The following NVL variants were observed in gnomAD, a reference collection of about 807,000 sequenced individuals.
The protein encoded by NVL is nuclear VCP like, also known as nuclear valosin-containing protein-like.
Under a neutral mutation model 110.2 loss-of-function variants are expected in NVL, and 84 were observed. That is an observed-to-expected ratio of 0.76 (90% CI 0.64 to 0.91). The LOEUF is 0.91. Ranked by LOEUF, NVL falls within the 40% of genes least tolerant of loss-of-function variation. NVL has a pLI of 0.00. For synonymous variants in NVL, 354 were observed against 361.1 expected (o/e 0.98, Z 0.22); for missense variants, 882 against 1,035.9 (o/e 0.85, Z 2.04).
At chr1:224,249,150 AT>A (rs10642577) in intron 19 of NVL, among the ~76,000 whole-genome samples, 3 of 150,196 alleles carry the variant, frequency 2.0e-5, no homozygotes, top group Non-Finnish European at 3.0e-5. Flanking sequence ...AAGTCATTCA[AT>A]TTTTTTTTTT....
chr1:224,237,686 C>T (rs1384971598), intron 19 of NVL, among the ~76,000 whole-genome samples: 6 of 151,940 alleles, frequency 3.9e-5, no homozygotes, highest in Non-Finnish European at 8.8e-5. Context: ...CCTTCTACCT[C>T]AGCCTCCCGA....
At chr1:224,271,875 G>T (rs1190770136) in intron 17 of NVL, among the ~76,000 whole-genome samples, 1 of 151,826 alleles carries the variant, frequency 6.6e-6, no homozygotes, top group African/African-American at 2.4e-5. Context: ...TTAGCCAGGC[G>T]TGGTGGTGTG....
rs531679606 is a variant in NVL at position 224,227,522 on chromosome 1, A to G, written c.*104T>C. ...ATTCATTTGAAAATAAAATGTTTAC[A>G]TGAGGCCGCGCCTGTGTCCAGCTGA... is the stretch of plus-strand genomic sequence containing the variant. On this transcript the variant is annotated 3_prime_UTR_variant, in exon 23 of 23. Transcript: ENST00000281701. The G allele has an allele frequency of 1.5e-5, 13 of 888,792 alleles. No homozygotes were observed. In the African/African-American group the frequency reaches 2.2e-4, roughly 15 times the overall value. The allele number at this position is 888,792 out of a possible 1,614,324, so 55.1% of individuals were successfully genotyped here. A position where few individuals can be genotyped will look rare whatever the true frequency, so the allele number is the denominator to read the frequency against.
chr1:224,317,556 A>C (rs563667316), intron 4 of NVL, 138 bp downstream of exon 4: 4 of 609,766 alleles, frequency 6.6e-6, no homozygotes, highest in Admixed American at 3.1e-5. Context: ...AATAAAGAAC[A>C]TTCAATATGG....
intron 10 of NVL, among the ~76,000 whole-genome samples, chr1:224,299,978 AAC>A (rs1004240791): frequency 3.3e-4 from 50 of 152,336 alleles, no homozygotes; most frequent in African/African-American, 1.2e-3. Context: ...TTTAGTTTTA[AAC>A]ACAGTGATAT....
At chr1:224,305,269 T>A in intron 6 of NVL, 103 bp from the exon 7 acceptor site, 1 of 1,173,350 alleles carries the variant, frequency 8.5e-7, no homozygotes, top group Non-Finnish European at 1.2e-6. Flanking sequence ...ATTCCTGCCC[T>A]AGCACTTTCA....
chr1:224,305,165 T>A lies in NVL; in HGVS notation c.617A>T (p.Asp206Val). 1 of 1,598,140 alleles carries A rather than the reference T, an allele frequency of 6.3e-7. No individual in the cohort carries two copies. The highest frequency in any genetic ancestry group is 1.1e-5 in the South Asian group (1 of 87,428). ...CTCCAAAAGAGAAGAATCTTTTGAA[T>A]CCTGGAAAGAAAATAAATTTAAATA... Reference protein sequence around the residue: ...NPKKPITEIQDSKDSSLLESD... With the variant: ...NPKKPITEIQVSKDSSLLESD... Residue 206 changes from aspartate to valine, a missense_variant and splice_region_variant, in exon 7 of 23, where the codon GAT (aspartate) becomes GTT (valine). By Grantham distance (152) the Asp-to-Val change is radical. Transcript: ENST00000281701.
At chr1:224,230,119 C>G (rs928832418) in intron 22 of NVL, among the ~76,000 whole-genome samples, 11 of 152,270 alleles carry the variant, frequency 7.2e-5, no homozygotes, top group Admixed American at 6.5e-4. Context: ...GGCATAAGCC[C>G]CTGTGCCCAG....
intron 4 of NVL, among the ~76,000 whole-genome samples, chr1:224,313,835 T>C (rs148052222): frequency 0.059 from 9,026 of 152,138 alleles, 840 homozygotes; most frequent in African/African-American, 0.2. Context: ...AAACCCTGTC[T>C]CTACTAAACA....
At chr1:224,294,155 A>G in intron 12 of NVL, 112 bp downstream of exon 12, 1 of 1,184,594 alleles carries the variant, frequency 8.4e-7, no homozygotes, top group Non-Finnish European at 1.2e-6. Flanking sequence ...TAATTGGTAC[A>G]AAAAGAAAGA....
chr1:224,257,848 G>A (rs2102787741), intron 18 of NVL, among the ~76,000 whole-genome samples: 1 of 152,122 alleles, frequency 6.6e-6, no homozygotes, highest in South Asian at 2.1e-4. Flanking sequence ...CCCGACAAGG[G>A]ATATTGACAC....
At chr1:224,238,707 G>A (rs1297364083) in intron 19 of NVL, among the ~76,000 whole-genome samples, 1 of 152,134 alleles carries the variant, frequency 6.6e-6, no homozygotes, top group Non-Finnish European at 1.5e-5. Context: ...GCATCTTTTA[G>A]TGTAAACAAT....
chr1:224,304,669 T>C, intron 8 of NVL, 67 bp downstream of exon 8: 2 of 1,329,924 alleles, frequency 1.5e-6, no homozygotes, highest in South Asian at 2.5e-5. Context: ...AACAAAGAGG[T>C]AGGCTTTTTC....
rs746204972 is a variant in NVL, at chr1:224,311,813, T to C, written c.329A>G (p.Tyr110Cys). The change falls in exon 5 of 23, where the codon TAC (tyrosine) becomes TGC (cysteine). Residue 110 changes from tyrosine to cysteine, a missense_variant. Physicochemically the swap from Tyr to Cys is radical, Grantham distance 194. Coordinates refer to ENST00000281701, the MANE Select transcript of NVL (RefSeq NM_002533.4). Reference protein sequence around the residue: ...YSDDDSSMEDYPDPQSANHMN... With the variant: ...YSDDDSSMEDCPDPQSANHMN... ...TGTTTGGCTTACCTGTGGATCTGGG[T>C]AGTCTTCCATACTTGAATCATCATC... The C allele has an allele frequency of 4.3e-6, 7 of 1,613,442 alleles. No homozygotes were observed. The highest frequency in any genetic ancestry group is 5.9e-6 in the Non-Finnish European group (7 of 1,179,530).
In NVL at chr1:224,227,626, T is replaced by A; in HGVS notation, c.2571A>T (p.Ter857CysextTer7). 2.5e-6 allele frequency: 4 copies of A among 1,611,040 alleles called. No individual in the cohort carries two copies. Among genetic ancestry groups the A allele is most frequent in the Non-Finnish European group, 2.5e-6 (3 of 1,178,108 alleles). The part of the protein sequence containing the change: ...YERLQESLSR[*>C] ...TCCTCTAAGCCGGCTGCTGGAGACA[T>A]CACCGGCTGAGGGACTCCTGCAAAC... The change falls in exon 23 of 23, where the codon TGA (stop) becomes TGT (cysteine). Residue 857 changes from the stop codon to cysteine, a stop_lost. Transcript: ENST00000281701.
At chr1:224,317,562 T>C in intron 4 of NVL, 132 bp downstream of exon 4, 1 of 616,482 alleles carries the variant, frequency 1.6e-6, no homozygotes, top group South Asian at 2.0e-5. Flanking sequence ...GAACATTCAA[T>C]ATGGCTGAAG....
intron 19 of NVL, among the ~76,000 whole-genome samples, chr1:224,240,783 CTTTTTTTT>C (rs59138570): frequency 1.5e-4 from 12 of 82,684 alleles, no homozygotes; most frequent in African/African-American, 2.6e-4. Context: ...ACAAACTGTC[CTTTTTTTT>C]TTTTTTTTTT....
At chr1:224,303,304 G>A (rs369953959) in intron 9 of NVL, among the ~76,000 whole-genome samples, 48 of 151,768 alleles carry the variant, frequency 3.2e-4, no homozygotes, top group African/African-American at 9.0e-4. Flanking sequence ...GCGTGGTGGC[G>A]TATGCCTGTA....
intron 19 of NVL, among the ~76,000 whole-genome samples, chr1:224,246,830 G>A (rs568869483): frequency 6.6e-6 from 1 of 152,030 alleles, no homozygotes; most frequent in South Asian, 2.1e-4. Context: ...GAAGTCAGGA[G>A]TTTGAGACCA....
Sources: gnomAD v4.1 joint callset for allele counts (sites outside exome capture counted in the v4.1 genomes callset) on GRCh38, gnomAD v4.1.1 for gene constraint, MANE v1.5 for transcripts, NCBI Gene and HGNC (gene_info 2026-07-23, HGNC 2026-07-21) for gene names.